The following PIKFYVE variants were observed in gnomAD, a reference collection of about 807,000 sequenced individuals.
PIKFYVE encodes the protein 1-phosphatidylinositol 3-phosphate 5-kinase.
In PIKFYVE, 122 loss-of-function variants were observed where a neutral mutation model predicts 257.9. The observed-to-expected ratio is 0.47, with a 90% CI of 0.41 to 0.55. PIKFYVE has a LOEUF of 0.55. Among genes scored for constraint, PIKFYVE ranks in the 20% least tolerant of loss-of-function variants. The probability of loss-of-function intolerance (pLI) is 0.00; values close to 1 mark genes in which losing one functional copy is unlikely to be tolerated. For missense variants in PIKFYVE, 2,160 were observed against 2,536.6 expected, an observed-to-expected ratio of 0.85 and a Z score of 3.19; for synonymous variants, 892 against 868.9, an observed-to-expected ratio of 1.03 and a Z score of -0.47.
intron 14 of PIKFYVE, 146 bp downstream of exon 14, chr2:208,314,569 C>T (rs895819169): frequency 1.3e-5 from 13 of 1,033,752 alleles, no homozygotes; most frequent in Non-Finnish European, 1.5e-5. Flanking sequence ...TTAGGAAATA[C>T]AGTCTATTTT....
At position 208,320,231 on chromosome 2, in the gene PIKFYVE, CA is replaced by C. The variant is rs1283186739; in HGVS notation, c.2083-18del. The C allele has an allele frequency of 6.2e-7, 1 of 1,607,844 alleles. No homozygotes were observed. The highest frequency in any genetic ancestry group is 1.3e-5 in the African/African-American group (1 of 74,866). On this transcript the variant is annotated intron_variant, in intron 16 of 41. Transcript: ENST00000264380. ...AAATGCAAACCTTTAAACACTTTAA[CA>C]AACTGTTCATTTTTTGTAGATGAGT...
rs202043497 is a variant in PIKFYVE, at chr2:208,293,566, AT to A, written c.911+4749del. On this transcript the variant is annotated intron_variant, in intron 7 of 41. Coordinates refer to ENST00000264380, the MANE Select transcript of PIKFYVE (RefSeq NM_015040.4). ...CATCAGGGTACAGAATTGTAGGTTG[AT>A]GGCTTTTTTCTCTCAACATCTTAAA... Among the ~76,000 whole-genome samples the A allele has an allele frequency of 2.2e-3, 329 of 152,118 alleles. 8 individuals are homozygous for A. In the East Asian group the frequency reaches 0.047, roughly 22 times the overall value.
chr2:208,300,685 T>C (rs989674110), intron 8 of PIKFYVE, among the ~76,000 whole-genome samples: 1 of 152,162 alleles, frequency 6.6e-6, no homozygotes, highest in Non-Finnish European at 1.5e-5. Context: ...ATTGATAATA[T>C]GTGCCATTGA....
intron 34 of PIKFYVE, among the ~76,000 whole-genome samples, chr2:208,346,350 C>T (rs951061614): frequency 6.6e-6 from 1 of 152,140 alleles, no homozygotes; most frequent in African/African-American, 2.4e-5. Flanking sequence ...AGTGTAAGTT[C>T]AAGGTATTGA....
chr2:208,348,980 T>C (rs1188585697), intron 35 of PIKFYVE, among the ~76,000 whole-genome samples: 2 of 151,918 alleles, frequency 1.3e-5, no homozygotes, highest in East Asian at 1.9e-4. Flanking sequence ...CTGGCCGACA[T>C]AGAGAAACCC....
chr2:208,286,707 G>A (rs962313085), intron 6 of PIKFYVE, among the ~76,000 whole-genome samples: 7 of 150,612 alleles, frequency 4.6e-5, no homozygotes, highest in African/African-American at 7.3e-5. Flanking sequence ...TTTTTTAAGA[G>A]ATGGGGTCTT....
chr2:208,338,475 T>C (rs769016068), intron 28 of PIKFYVE, 33 bp from the exon 29 acceptor site: 148 of 1,603,054 alleles, frequency 9.2e-5, no homozygotes, highest in Non-Finnish European at 1.2e-4. Flanking sequence ...TTTTCATGTT[T>C]TCCATAAGAA....
chr2:208,322,170 A>G (rs1324771408), intron 17 of PIKFYVE, among the ~76,000 whole-genome samples: 1 of 152,052 alleles, frequency 6.6e-6, no homozygotes, highest in African/African-American at 2.4e-5. Flanking sequence ...GCTTGAGGCC[A>G]GGAGTTCAAG....
intron 1 of PIKFYVE, among the ~76,000 whole-genome samples, chr2:208,267,271 CTG>C (rs1465592582): frequency 6.6e-6 from 1 of 152,076 alleles, no homozygotes; most frequent in African/African-American, 2.4e-5. Flanking sequence ...AACTCCCACT[CTG>C]TCAGTTTTCT....
chr2:208,318,198 A>G (rs1204550815), intron 16 of PIKFYVE, among the ~76,000 whole-genome samples: 4 of 152,226 alleles, frequency 2.6e-5, no homozygotes, highest in African/African-American at 9.6e-5. Context: ...TAACAGAATG[A>G]TAAGATACTG....
intron 35 of PIKFYVE, among the ~76,000 whole-genome samples, chr2:208,349,730 A>G (rs1699592529): frequency 6.6e-6 from 1 of 151,992 alleles, no homozygotes; most frequent in Non-Finnish European, 1.5e-5. Context: ...TTGGTATAAG[A>G]ACTGAGTTAC....
intron 18 of PIKFYVE, among the ~76,000 whole-genome samples, chr2:208,324,703 T>G (rs189416296): frequency 5.8e-4 from 88 of 152,316 alleles, no homozygotes; most frequent in Non-Finnish European, 9.4e-4. Context: ...TATAATGTTA[T>G]TAATATGAGT....
rs577003987 is a variant in PIKFYVE at position 208,271,514 on chromosome 2, C to G, written c.-6C>G. On this transcript the variant is annotated 5_prime_UTR_variant, in exon 2 of 42. Transcript: ENST00000264380. Reference sequence around the variant, plus strand: ...GCTTGTTTCTTTTGTTTTTCAGACTCATGAAATGGCCACAGATGATAAGAC... The same window carrying G: ...GCTTGTTTCTTTTGTTTTTCAGACTGATGAAATGGCCACAGATGATAAGAC... 2 of 1,614,072 alleles carry G rather than the reference C, an allele frequency of 1.2e-6. No individual in the cohort carries two copies. The highest frequency in any genetic ancestry group is 1.3e-5 in the African/African-American group (1 of 75,022).
intron 10 of PIKFYVE, among the ~76,000 whole-genome samples, chr2:208,303,067 G>A (rs756220854): frequency 9.2e-5 from 14 of 152,096 alleles, no homozygotes; most frequent in Non-Finnish European, 2.1e-4. Context: ...GGGCGACAAA[G>A]CAAGGCTCCG....
chr2:208,331,870 G>T (rs1697578617), intron 23 of PIKFYVE, among the ~76,000 whole-genome samples: 1 of 152,158 alleles, frequency 6.6e-6, no homozygotes, highest in Non-Finnish European at 1.5e-5. Context: ...ACCGACTTTA[G>T]TTCCTATTAG....
At chr2:208,339,648 A>G in intron 30 of PIKFYVE, 93 bp downstream of exon 30, 2 of 1,483,124 alleles carry the variant, frequency 1.3e-6, no homozygotes, top group Non-Finnish European at 9.3e-7. Context: ...TTCTCTAAGG[A>G]CAGATATTTG....
At chr2:208,276,881 A>T in intron 4 of PIKFYVE, 51 bp downstream of exon 4, 1 of 1,436,244 alleles carries the variant, frequency 7.0e-7, no homozygotes, top group Non-Finnish European at 9.7e-7. Context: ...TATGGGGATC[A>T]TGCCATACCT....
At chr2:208,330,303 T>C (rs1697385610) in intron 22 of PIKFYVE, among the ~76,000 whole-genome samples, 1 of 152,226 alleles carries the variant, frequency 6.6e-6, no homozygotes, top group Non-Finnish European at 1.5e-5. Context: ...CCTAGAATTA[T>C]CAGAAGGTAA....
intron 5 of PIKFYVE, among the ~76,000 whole-genome samples, chr2:208,283,997 AAGTCTTTTATTTTGTATCACTTC>A (rs1282167312): frequency 6.6e-6 from 1 of 152,218 alleles, no homozygotes; most frequent in Non-Finnish European, 1.5e-5. Flanking sequence ...TAACTTTTAG[AAGTCTTTTATTTTGTATCACTTC>A]AGTTTTCTAA....
Sources: gnomAD v4.1 joint callset for allele counts (sites outside exome capture counted in the v4.1 genomes callset) on GRCh38, gnomAD v4.1.1 for gene constraint, MANE v1.5 for transcripts, NCBI Gene and HGNC (gene_info 2026-07-23, HGNC 2026-07-21) for gene names.